The following LRP1B variants were observed in gnomAD, a reference collection of about 807,000 sequenced individuals.
The protein encoded by LRP1B is low-density lipoprotein receptor-related protein 1B.
A neutral mutation model predicts 556.6 loss-of-function variants in LRP1B; 217 were observed. The ratio of observed to expected loss-of-function variants is 0.39; its 90% CI spans 0.35 to 0.44. The LOEUF (loss-of-function observed/expected upper bound fraction) is 0.44. Among genes scored for constraint, LRP1B ranks in the 20% least tolerant of loss-of-function variants. The pLI is 1.00. For synonymous variants in LRP1B, 2,047 were observed against 1,865.8 expected, an observed-to-expected ratio of 1.10 and a Z score of -2.50; for missense variants, 5,053 against 5,620.8, an observed-to-expected ratio of 0.90 and a Z score of 3.23.
At chr2:140,255,598 A>G (rs1226381827) in intron 86 of LRP1B, among the ~76,000 whole-genome samples, 2 of 152,230 alleles carry the variant, frequency 1.3e-5, no homozygotes, top group African/African-American at 4.8e-5. Context: ...CTTGAACAGT[A>G]TCCAGTAAAT....
chr2:140,246,550 G>A (rs910145077), intron 87 of LRP1B, among the ~76,000 whole-genome samples: 1 of 146,830 alleles, frequency 6.8e-6, no homozygotes, highest in South Asian at 2.2e-4. Flanking sequence ...CAAAAATGTT[G>A]ATCTATATTT....
At chr2:140,515,195 G>A (rs572212089) in intron 50 of LRP1B, among the ~76,000 whole-genome samples, 2 of 152,066 alleles carry the variant, frequency 1.3e-5, no homozygotes, top group Admixed American at 6.5e-5. Flanking sequence ...ACAATATGGT[G>A]GACTAATCAG....
chr2:140,616,021 A>G (rs1324889607), intron 41 of LRP1B, among the ~76,000 whole-genome samples: 1 of 152,060 alleles, frequency 6.6e-6, no homozygotes, highest in African/African-American at 2.4e-5. Flanking sequence ...TAATTTTAAA[A>G]TTAAGTTTGG....
chr2:141,830,254 C>T (rs1447179059), intron 1 of LRP1B, among the ~76,000 whole-genome samples: 2 of 151,820 alleles, frequency 1.3e-5, no homozygotes, highest in African/African-American at 4.8e-5. Context: ...ACAGGACTCA[C>T]TCCCAGTGGC....
intron 2 of LRP1B, among the ~76,000 whole-genome samples, chr2:141,545,852 G>T (rs1685531188): frequency 6.6e-6 from 1 of 152,120 alleles, no homozygotes; most frequent in Admixed American, 6.6e-5. Context: ...AAAGGAAACA[G>T]ATTTCCCCCA....
intron 7 of LRP1B, among the ~76,000 whole-genome samples, chr2:141,086,980 GAA>G (rs923603214): frequency 6.6e-6 from 1 of 152,110 alleles, no homozygotes; most frequent in Non-Finnish European, 1.5e-5. Flanking sequence ...AAATGGGCTA[GAA>G]AAAAAGTGTT....
intron 2 of LRP1B, among the ~76,000 whole-genome samples, chr2:141,646,430 C>T (rs1689566344): frequency 6.6e-6 from 1 of 152,012 alleles, no homozygotes; most frequent in Admixed American, 6.6e-5. Flanking sequence ...TCTGCAAATG[C>T]TCATTGAGGG....
intron 1 of LRP1B, among the ~76,000 whole-genome samples, chr2:142,123,749 A>G (rs965507762): frequency 1.3e-5 from 2 of 151,326 alleles, no homozygotes; most frequent in African/African-American, 2.4e-5. Flanking sequence ...GGATATAGTT[A>G]TAATATTATT....
chr2:140,531,435 T>C (rs918380783), intron 47 of LRP1B, among the ~76,000 whole-genome samples: 3 of 152,156 alleles, frequency 2.0e-5, no homozygotes, highest in Admixed American at 6.6e-5. Flanking sequence ...GGTAACTTAA[T>C]TGGCAAATGT....
At chr2:141,653,440 T>C (rs373076489) in intron 2 of LRP1B, among the ~76,000 whole-genome samples, 2 of 152,268 alleles carry the variant, frequency 1.3e-5, no homozygotes, top group East Asian at 3.9e-4. Flanking sequence ...ACAACTCTAA[T>C]ATGAATTCTG....
intron 7 of LRP1B, among the ~76,000 whole-genome samples, chr2:141,064,952 G>A (rs1406846556): frequency 1.3e-5 from 2 of 151,734 alleles, no homozygotes; most frequent in Non-Finnish European, 2.9e-5. Flanking sequence ...CAAACTCCAC[G>A]ATCCTGTGGA....
intron 2 of LRP1B, among the ~76,000 whole-genome samples, chr2:141,625,721 A>T (rs1300142779): frequency 6.6e-6 from 1 of 152,188 alleles, no homozygotes; most frequent in East Asian, 1.9e-4. Context: ...TACTTTTTAT[A>T]GACATCAGTG....
intron 49 of LRP1B, among the ~76,000 whole-genome samples, chr2:140,523,924 T>C (rs545265253): frequency 1.3e-5 from 2 of 152,048 alleles, no homozygotes; most frequent in African/African-American, 2.4e-5. Flanking sequence ...AAAGAATTTA[T>C]GACTAAGTCC....
intron 6 of LRP1B, among the ~76,000 whole-genome samples, chr2:141,198,476 G>T: frequency 6.6e-6 from 1 of 152,104 alleles, no homozygotes; most frequent in East Asian, 1.9e-4. Context: ...CAGTCACAAA[G>T]CTCTACATAG....
intron 7 of LRP1B, among the ~76,000 whole-genome samples, chr2:141,102,600 T>C (rs1408855027): frequency 6.6e-6 from 1 of 152,054 alleles, no homozygotes; most frequent in African/African-American, 2.4e-5. Flanking sequence ...TATACATGGC[T>C]GGTACTCATT....
chr2:140,469,083 T>C (rs1687663973), intron 60 of LRP1B, among the ~76,000 whole-genome samples: 1 of 152,168 alleles, frequency 6.6e-6, no homozygotes, highest in Admixed American at 6.5e-5. Flanking sequence ...AAGTGTATTT[T>C]GCACATAAGA....
rs532051458 is a variant in LRP1B, at chr2:141,320,997, T to C, written c.344-66356A>G. ...GGGTTATAAGATATAACAAAATATTTTTAATCATAGCTTCCTCTTTATCTT... is the reference window on the plus strand; with the variant it reads ...GGGTTATAAGATATAACAAAATATTCTTAATCATAGCTTCCTCTTTATCTT... On this transcript the variant is annotated intron_variant, in intron 3 of 90. Transcript: ENST00000389484. Among the ~76,000 whole-genome samples the C allele has an allele frequency of 2.4e-3, 361 of 152,228 alleles. 2 individuals are homozygous for C. The highest frequency in any genetic ancestry group is 7.8e-3 in the African/African-American group (326 of 41,568).
At chr2:140,339,723 A>AATAAT (rs1681275612) in intron 77 of LRP1B, among the ~76,000 whole-genome samples, 1 of 151,718 alleles carries the variant, frequency 6.6e-6, no homozygotes, top group Admixed American at 6.6e-5. Flanking sequence ...CTATTGACTT[A>AATAAT]GTAATGTTAT....
intron 43 of LRP1B, among the ~76,000 whole-genome samples, chr2:140,575,742 T>G (rs933920726): frequency 6.6e-6 from 1 of 151,714 alleles, no homozygotes; most frequent in Non-Finnish European, 1.5e-5. Context: ...CTGGCCAACA[T>G]AGTGAAACCC....
Sources: allele counts gnomAD v4.1 joint callset (sites outside exome capture counted in the v4.1 genomes callset), GRCh38; gene constraint gnomAD v4.1.1; transcripts MANE v1.5; gene names NCBI Gene and HGNC (gene_info 2026-07-23, HGNC 2026-07-21).